Variants in FBXO25 observed in about 807,000 individuals in gnomAD.
The protein encoded by FBXO25 is F-box protein 25, also known as F-box only protein 25.
Under a neutral mutation model 51.9 loss-of-function variants are expected in FBXO25, and 45 were observed. The observed-to-expected ratio is 0.87, with a 90% CI of 0.68 to 1.11. FBXO25 has a LOEUF of 1.11. Among genes scored for constraint, FBXO25 ranks in the 50% most tolerant of loss-of-function variants. FBXO25 has a pLI of 0.00. For synonymous variants in FBXO25, 199 were observed against 151.0 expected (o/e 1.32, Z -2.33); for missense variants, 507 against 428.5 (o/e 1.18, Z -1.62).
At chr8:445,412 C>G (rs532225490) in intron 5 of FBXO25, among the ~76,000 whole-genome samples, 1 of 152,302 alleles carries the variant, frequency 6.6e-6, no homozygotes, top group African/African-American at 2.4e-5. Context: ...GCAGCAGTTC[C>G]AAACCCAAAT....
Position 471,017 on chromosome 8 carries a change from T to C in FBXO25, c.*2213T>C, listed in dbSNP as rs1041394388. The C allele has an allele frequency of 6.6e-6, 1 of 152,238 alleles. No individual in the cohort carries two copies. Among genetic ancestry groups the C allele is most frequent in the Admixed American group, 6.5e-5 (1 of 15,286 alleles). 9.4% of individuals were successfully genotyped at this position (152,238 alleles called of 1,614,324 possible). A position where few individuals can be genotyped will look rare whatever the true frequency, so the allele number is the denominator to read the frequency against. On this transcript the variant is annotated 3_prime_UTR_variant, in exon 10 of 10. Coordinates refer to ENST00000350302, the MANE Select transcript of FBXO25 (RefSeq NM_183420.2). ...TTACTGTCATTTAATTGTTAGATGT[T>C]ATAACAGTTCTCAGCTGTGCTATCA... is the stretch of plus-strand genomic sequence containing the variant.
chr8:446,623 AG>A (rs1183446415), intron 5 of FBXO25, among the ~76,000 whole-genome samples: 14 of 152,258 alleles, frequency 9.2e-5, no homozygotes, highest in African/African-American at 3.4e-4. Flanking sequence ...CACTAAAACA[AG>A]GAATTTAATA....
chr8:442,776 C>T (rs1798509881), intron 5 of FBXO25, among the ~76,000 whole-genome samples: 1 of 152,112 alleles, frequency 6.6e-6, no homozygotes, highest in Admixed American at 6.5e-5. Context: ...AGCCTATTTC[C>T]ACTTTATAAA....
At chr8:468,557 C>T (rs535932166) in intron 9 of FBXO25, among the ~76,000 whole-genome samples, 158 bp from the exon 10 acceptor site, 68 of 152,106 alleles carry the variant, frequency 4.5e-4, no homozygotes, top group African/African-American at 1.4e-3. Context: ...GCTGCGGCTG[C>T]CCTTGTGTTG....
At chr8:447,833 C>T (rs1798836876) in intron 5 of FBXO25, among the ~76,000 whole-genome samples, 1 of 152,050 alleles carries the variant, frequency 6.6e-6, no homozygotes, top group Non-Finnish European at 1.5e-5. Context: ...CAAAAAGTTC[C>T]AGAGTTTGGA....
chr8:453,704 C>G (rs976087903), intron 7 of FBXO25, among the ~76,000 whole-genome samples: 10 of 152,082 alleles, frequency 6.6e-5, no homozygotes, highest in Non-Finnish European at 1.3e-4. Flanking sequence ...TTCCCGGATC[C>G]CTGAGAGTGG....
intron 7 of FBXO25, among the ~76,000 whole-genome samples, chr8:455,794 G>A (rs1372869360): frequency 1.3e-5 from 2 of 152,206 alleles, no homozygotes; most frequent in African/African-American, 4.8e-5. Context: ...AGTGGAGGAA[G>A]TGCAGCAAAA....
chr8:460,590 G>C (rs1036165364), intron 8 of FBXO25, among the ~76,000 whole-genome samples: 1 of 152,210 alleles, frequency 6.6e-6, no homozygotes, highest in African/African-American at 2.4e-5. Flanking sequence ...AAATGCTCTT[G>C]ACTGGAGCAT....
chr8:437,549 C>T (rs1282664755), intron 5 of FBXO25, among the ~76,000 whole-genome samples: 7 of 152,188 alleles, frequency 4.6e-5, no homozygotes, highest in African/African-American at 1.7e-4. Flanking sequence ...GCAAAGTTAC[C>T]TCTAAAAAGT....
At position 470,298 on chromosome 8, in the gene FBXO25, A is replaced by C. The variant is rs1268130391; in HGVS notation, c.*1494A>C. 3 of 152,214 alleles carry C rather than the reference A, an allele frequency of 2.0e-5. No individual in the cohort carries two copies. The highest frequency in any genetic ancestry group is 7.2e-5 in the African/African-American group (3 of 41,456). 9.4% of individuals were successfully genotyped at this position (152,214 alleles called of 1,614,324 possible). A position where few individuals can be genotyped will look rare whatever the true frequency, so the allele number is the denominator to read the frequency against. On this transcript the variant is annotated 3_prime_UTR_variant, in exon 10 of 10. Transcript: ENST00000350302. The stretch of plus-strand genomic sequence containing the variant: ...CACTGGTAGTACAGCCAACATCATG[A>C]GTCAAACATATTTTAAGGCTTTTAA...
intron 5 of FBXO25, among the ~76,000 whole-genome samples, chr8:437,040 T>A (rs534755971): frequency 1.3e-5 from 2 of 152,306 alleles, no homozygotes; most frequent in South Asian, 4.1e-4. Context: ...TTTATCAGTT[T>A]CAGTCATTTG....
chr8:434,199 A>G (rs974420128), intron 4 of FBXO25, among the ~76,000 whole-genome samples: 19 of 152,166 alleles, frequency 1.2e-4, no homozygotes, highest in African/African-American at 4.6e-4. Flanking sequence ...GTACAGAGCA[A>G]GTGCCTGCTG....
At chr8:459,606 C>T (rs555438332) in intron 8 of FBXO25, among the ~76,000 whole-genome samples, 5 of 152,184 alleles carry the variant, frequency 3.3e-5, no homozygotes, top group Admixed American at 1.3e-4. Flanking sequence ...CAAGGAAGTG[C>T]ACAAGGGCAA....
intron 2 of FBXO25, among the ~76,000 whole-genome samples, chr8:423,096 C>CA (rs1469858581): frequency 2.3e-4 from 34 of 151,058 alleles, no homozygotes; most frequent in Middle Eastern, 3.5e-3. Flanking sequence ...CCCTTCCCTG[C>CA]TGTGTTGAGA....
intron 2 of FBXO25, among the ~76,000 whole-genome samples, chr8:417,093 C>T (rs775228475): frequency 6.6e-6 from 1 of 152,198 alleles, no homozygotes. Context: ...CTGGCATATT[C>T]AGGGACAGCA....
intron 8 of FBXO25, among the ~76,000 whole-genome samples, chr8:461,419 A>C (rs1316713147): frequency 6.6e-6 from 1 of 152,224 alleles, no homozygotes; most frequent in African/African-American, 2.4e-5. Context: ...CACATCCTAC[A>C]TGGCAGCAGG....
At chr8:455,944 G>A (rs1422340012) in intron 7 of FBXO25, among the ~76,000 whole-genome samples, 2 of 152,226 alleles carry the variant, frequency 1.3e-5, no homozygotes, top group Non-Finnish European at 2.9e-5. Context: ...ACTGGACTCT[G>A]CCAGAAATCC....
chr8:472,663 A>T lies in FBXO25; in HGVS notation c.*3859A>T, dbSNP rs893518248. ...CTTTAAATGTTTGAGAGAACTCCATATAAGATTTGAAGTCACTGAGAAGCT... is the reference window on the plus strand; with the variant it reads ...CTTTAAATGTTTGAGAGAACTCCATTTAAGATTTGAAGTCACTGAGAAGCT... On this transcript the variant is annotated 3_prime_UTR_variant, in exon 10 of 10. Transcript: ENST00000350302. The T allele has an allele frequency of 6.6e-6, 1 of 152,256 alleles. No homozygotes were observed. 9.4% of individuals were successfully genotyped at this position (152,256 alleles called of 1,614,324 possible).
At chr8:460,144 C>G (rs1364241214) in intron 8 of FBXO25, among the ~76,000 whole-genome samples, 1 of 152,146 alleles carries the variant, frequency 6.6e-6, no homozygotes, top group African/African-American at 2.4e-5. Flanking sequence ...GGGACACTCC[C>G]TATCACGTGC....
Sources: gnomAD v4.1 joint callset for allele counts (sites outside exome capture counted in the v4.1 genomes callset) on GRCh38, gnomAD v4.1.1 for gene constraint, MANE v1.5 for transcripts, NCBI Gene and HGNC (gene_info 2026-07-23, HGNC 2026-07-21) for gene names.